Variants in SATB1 observed in about 807,000 individuals in gnomAD.
The protein encoded by SATB1 is DNA-binding protein SATB1.
Under a neutral mutation model 86.9 loss-of-function variants are expected in SATB1, and 11 were observed. The ratio of observed to expected loss-of-function variants is 0.13; its 90% CI spans 0.08 to 0.21. The LOEUF is 0.21. Ranked by LOEUF, SATB1 falls within the 10% of genes least tolerant of loss-of-function variation. The probability of loss-of-function intolerance (pLI) is 1.00; values close to 1 mark genes in which losing one functional copy is unlikely to be tolerated. For missense variants in SATB1, 551 were observed against 937.6 expected (o/e 0.59, Z 5.39); for synonymous variants, 357 against 357.2 (o/e 1.00, Z 0.01).
rs1041602447 is a variant in SATB1, at chr3:18,367,489, A to G, written c.1575+10681T>C. On this transcript the variant is annotated intron_variant, in intron 9 of 10. Coordinates refer to ENST00000338745, the MANE Select transcript of SATB1 (RefSeq NM_002971.6). ...GGATGGTGGATTCAGTTGGGGCAAG[A>G]TAAAGTTTGTAACACTTCTATTGAT... is the stretch of plus-strand genomic sequence containing the variant. 2.0e-5 allele frequency among the ~76,000 whole-genome samples: 3 copies of G among 152,342 alleles called. No homozygotes were observed. In the South Asian group the frequency reaches 6.2e-4, roughly 32 times the overall value.
intron 5 of SATB1, among the ~76,000 whole-genome samples, chr3:18,398,254 G>A (rs960650647): frequency 1.3e-5 from 2 of 151,850 alleles, no homozygotes; most frequent in Admixed American, 1.3e-4. Flanking sequence ...TTTTGGTTAC[G>A]GTAATTTCAA....
chr3:18,416,122 C>A lies in SATB1; in HGVS notation c.400G>T (p.Val134Phe). 1 of 1,607,282 alleles carries A rather than the reference C, an allele frequency of 6.2e-7. No individual in the cohort carries two copies. The change falls in exon 4 of 11, where the codon GTT (valine) becomes TTT (phenylalanine). Residue 134 changes from valine (V) to phenylalanine (F), a missense_variant. Around this residue, in one of 8 missense-constraint regions of SATB1, gnomAD observed 153 missense variants for 258.1 expected, o/e 0.59. Coordinates refer to ENST00000338745, the MANE Select transcript of SATB1 (RefSeq NM_002971.6). ...SAAQAKGLIQVGKWNPVPLSY... is the reference protein window; with the variant it reads ...SAAQAKGLIQFGKWNPVPLSY... ...AGTGGAACTGGATTCCACTTTCCAACCTGGATTAGCCCTATTTCAGATAAA... is the reference window on the plus strand; with the variant it reads ...AGTGGAACTGGATTCCACTTTCCAAACTGGATTAGCCCTATTTCAGATAAA...
intron 9 of SATB1, among the ~76,000 whole-genome samples, chr3:18,362,552 CA>C (rs372427066): frequency 2.5e-4 from 37 of 146,688 alleles, no homozygotes; most frequent in African/African-American, 6.2e-4. Flanking sequence ...TTTCTGTATT[CA>C]AAAAAAAAAT....
In SATB1 at chr3:18,356,665, C is replaced by T. The variant is rs528683422; in HGVS notation, c.1576-4470G>A. ...TCCTGGCACCTTCATCTCTCAGCTG[C>T]TAATTTCCAACCAAACTCAATCTCT... On this transcript the variant is annotated intron_variant, in intron 9 of 10. Transcript: ENST00000338745. Among the ~76,000 whole-genome samples the T allele has an allele frequency of 6.3e-4, 95 of 151,974 alleles. 1 individual carries two copies. The highest frequency in any genetic ancestry group is 2.1e-3 in the African/African-American group (87 of 41,522).
rs564006989 is a variant in SATB1, at chr3:18,370,505, C to T, written c.1575+7665G>A. On this transcript the variant is annotated intron_variant, in intron 9 of 10. Coordinates refer to ENST00000338745, the MANE Select transcript of SATB1 (RefSeq NM_002971.6). ...ACTGTTAACTGACAATATGGGACAACTGAGAGAGGCAAAAAAAAAAAAAAA... is the reference window on the plus strand; with the variant it reads ...ACTGTTAACTGACAATATGGGACAATTGAGAGAGGCAAAAAAAAAAAAAAA... Among the ~76,000 whole-genome samples the T allele has an allele frequency of 1.7e-3, 108 of 63,080 alleles. 2 individuals carry two copies. In the Middle Eastern group the frequency reaches 0.048, roughly 28 times the overall value. The allele number at this position is 63,080 out of a possible 152,430, so 41.4% of individuals were successfully genotyped here.
At chr3:18,421,046 A>C (rs1698374157) in intron 1 of SATB1, 55 bp from the exon 2 acceptor site, 3 of 1,201,094 alleles carry the variant, frequency 2.5e-6, no homozygotes, top group Non-Finnish European at 3.7e-6. Flanking sequence ...CTACGTGTAT[A>C]TATGTGTCCT....
intron 3 of SATB1, 57 bp downstream of exon 3, chr3:18,416,845 G>A (rs1371743947): frequency 3.4e-6 from 5 of 1,454,090 alleles, no homozygotes; most frequent in Non-Finnish European, 4.7e-6. Context: ...TGCTTTCTCT[G>A]CAAGGTAAAC....
In SATB1 at chr3:18,345,807, T is replaced by A. The variant is rs1185651434; in HGVS notation, c.*3363A>T. 6.6e-6 allele frequency: 1 copy of A among 152,104 alleles called. No homozygotes were observed. The highest frequency in any genetic ancestry group is 2.4e-5 in the African/African-American group (1 of 41,446). 9.4% of individuals were successfully genotyped at this position (152,104 alleles called of 1,614,324 possible). On this transcript the variant is annotated 3_prime_UTR_variant, in exon 11 of 11. Coordinates refer to ENST00000338745, the MANE Select transcript of SATB1 (RefSeq NM_002971.6). ...CTTTTTGAAAATATCACCAGGCAGT[T>A]CAGAATGTCTCATTTATTGAGAATA...
chr3:18,402,751 A>T (rs184324592), intron 5 of SATB1, among the ~76,000 whole-genome samples: 1 of 152,246 alleles, frequency 6.6e-6, no homozygotes, highest in Non-Finnish European at 1.5e-5. Flanking sequence ...CTTATCAAGG[A>T]CTTGCCGATG....
chr3:18,381,431 G>C (rs1234936116), intron 8 of SATB1, among the ~76,000 whole-genome samples: 2 of 152,166 alleles, frequency 1.3e-5, no homozygotes, highest in African/African-American at 2.4e-5. Flanking sequence ...TTGTATTAAT[G>C]TATATTAACT....
Position 18,375,383 on chromosome 3 carries a change from G to A in SATB1, c.1575+2787C>T, listed in dbSNP as rs565931776. On this transcript the variant is annotated intron_variant, in intron 9 of 10. Transcript: ENST00000338745. ...GATAGGGTCTAGCACAAAAAAACAC[G>A]ATGGTTAAGTCAACCCAGACAACCA... Among the ~76,000 whole-genome samples the A allele has an allele frequency of 8.5e-5, 13 of 152,218 alleles. No homozygotes were observed. In the South Asian group the frequency reaches 2.5e-3, roughly 29 times the overall value.
chr3:18,388,450 A>G (rs1696456579), intron 7 of SATB1, among the ~76,000 whole-genome samples: 1 of 152,192 alleles, frequency 6.6e-6, no homozygotes, highest in South Asian at 2.1e-4. Context: ...ACAGATATGG[A>G]TACATGAAAA....
chr3:18,389,537 A>G (rs13089991), intron 7 of SATB1, among the ~76,000 whole-genome samples: 34,593 of 151,854 alleles, frequency 0.23, 4,347 homozygotes, highest in Non-Finnish European at 0.26. Flanking sequence ...CCCATATCCT[A>G]TAATTGAAGA....
intron 5 of SATB1, among the ~76,000 whole-genome samples, chr3:18,404,100 G>A (rs1233182494): frequency 6.6e-5 from 10 of 152,026 alleles, no homozygotes; most frequent in East Asian, 3.9e-4. Context: ...AAGAGGCATC[G>A]TATGAGATAT....
chr3:18,374,697 G>A (rs1166317666), intron 9 of SATB1, among the ~76,000 whole-genome samples: 2 of 152,110 alleles, frequency 1.3e-5, no homozygotes, highest in Admixed American at 1.3e-4. Context: ...TGGAATCCAC[G>A]AGTTGGCTTC....
chr3:18,351,276 G>T, intron 10 of SATB1: 1 of 1,504,516 alleles, frequency 6.6e-7, no homozygotes. Context: ...CCCCCTCTCT[G>T]TGTCCCTTGG....
intron 5 of SATB1, among the ~76,000 whole-genome samples, chr3:18,404,323 C>A (rs1266746368): frequency 6.6e-6 from 1 of 152,008 alleles, no homozygotes; most frequent in Non-Finnish European, 1.5e-5. Flanking sequence ...TTGGGAGATA[C>A]AACTGGGGCA....
Position 18,349,865 on chromosome 3 carries a change from T to A in SATB1, c.1780-183A>T. ...AGCATTTACAAAAAAATCAAAATGA[T>A]ATGACTAGGAAGGGATGAATTAAGA... is the stretch of plus-strand genomic sequence containing the variant. On this transcript the variant is annotated intron_variant, in intron 10 of 10. Coordinates refer to ENST00000338745, the MANE Select transcript of SATB1 (RefSeq NM_002971.6). The surrounding 1 kb of genome is among the most constrained non-coding windows in gnomAD (Gnocchi z 5.5). 9.2e-7 allele frequency: 1 copy of A among 1,082,726 alleles called. No homozygotes were observed. The allele number at this position is 1,082,726 out of a possible 1,614,324, so 67.1% of individuals were successfully genotyped here. A position where few individuals can be genotyped will look rare whatever the true frequency, so the allele number is the denominator to read the frequency against.
Position 18,402,323 on chromosome 3 carries a change from G to A in SATB1, c.640-5033C>T, listed in dbSNP as rs149191646. 4.6e-3 allele frequency among the ~76,000 whole-genome samples: 706 copies of A among 152,100 alleles called. 6 individuals are homozygous for A. The highest frequency in any genetic ancestry group is 0.015 in the African/African-American group (632 of 41,494). On this transcript the variant is annotated intron_variant, in intron 5 of 10. Transcript: ENST00000338745. ...TGATTACCCTTAAAATTGCTTTGTT[G>A]TGTCTTTAACAACAACCAAAAAAAA...
Sources: allele counts gnomAD v4.1 joint callset (sites outside exome capture counted in the v4.1 genomes callset), GRCh38; gene constraint gnomAD v4.1.1; regional missense constraint gnomAD v4.1.1; non-coding constraint Gnocchi (gnomAD v3.1); transcripts MANE v1.5; gene names NCBI Gene and HGNC (gene_info 2026-07-23, HGNC 2026-07-21).